The following PDXDC1 variants were observed in gnomAD, a reference collection of about 807,000 sequenced individuals.
PDXDC1 encodes pyridoxal-dependent decarboxylase domain-containing protein 1.
A neutral mutation model predicts 100.1 loss-of-function variants in PDXDC1; 42 were observed. That is an observed-to-expected ratio of 0.42 (90% CI 0.33 to 0.54). The LOEUF is 0.54. Ranked by LOEUF, PDXDC1 falls within the 20% of genes least tolerant of loss-of-function variation. PDXDC1 has a pLI of 0.10. For synonymous variants in PDXDC1, 260 were observed against 371.7 expected, an observed-to-expected ratio of 0.70 and a Z score of 3.46; for missense variants, 636 against 979.2, an observed-to-expected ratio of 0.65 and a Z score of 4.68.
chr16:15,125,579 T>G, intron 16 of PDXDC1: 2 of 1,499,008 alleles, frequency 1.3e-6, no homozygotes, highest in Non-Finnish European at 1.9e-6. Flanking sequence ...AACAAGTCAC[T>G]CTTCACCTGT....
downstream of PDXDC1, among the ~76,000 whole-genome samples, chr16:15,142,064 G>C (rs1233907871): frequency 6.6e-6 from 1 of 152,174 alleles, no homozygotes; most frequent in Non-Finnish European, 1.5e-5. Flanking sequence ...CCCCGGGGAG[G>C]GGCACAGGCA....
In PDXDC1 at chr16:15,130,266, C is replaced by T. The variant is rs765148929; in HGVS notation, c.1400-8613C>T. ...GCTGGCGCCGAAGGCGGTGAGGTGG[C>T]GGGTGAGGCAGACGGCCTGGCGGGG... On this transcript the variant is annotated intron_variant, in intron 16 of 16. Transcript: ENST00000535621. 8.7e-5 allele frequency: 134 copies of T among 1,544,602 alleles called. No individual in the cohort carries two copies. In the East Asian group the frequency reaches 2.7e-3, roughly 31 times the overall value.
chr16:15,026,650 A>G lies in PDXDC1; in HGVS notation c.1148A>G (p.Asp383Gly). Residue 383 changes from aspartate to glycine, a missense_variant, in exon 14 of 23, where the codon GAT (aspartate) becomes GGT (glycine). Asp to Gly is a moderately conservative substitution (Grantham distance 94). This residue lies in a region of PDXDC1 where 125 missense variants were observed against 479.9 expected (regional missense o/e 0.26). Transcript: ENST00000396410. ...AGACTTCCATTCTTCCAGGTGGAAG[A>G]TGAGCTCAGCTCCCCAGTGGTGGTG... ...KVNYIKILVEDELSSPVVVFR... is the reference protein window; with the variant it reads ...KVNYIKILVEGELSSPVVVFR... 1 of 1,613,574 alleles carries G rather than the reference A, an allele frequency of 6.2e-7. No individual in the cohort carries two copies. The highest frequency in any genetic ancestry group is 2.2e-5 in the East Asian group (1 of 44,858).
chr16:15,013,711 C>G (rs1359639758), intron 8 of PDXDC1, among the ~76,000 whole-genome samples: 2 of 151,940 alleles, frequency 1.3e-5, no homozygotes, highest in Admixed American at 1.3e-4. Context: ...CCCATCTCTA[C>G]TAAAAATGCA....
chr16:15,081,895 C>A (rs2045719796), intron 16 of PDXDC1, among the ~76,000 whole-genome samples: 1 of 152,158 alleles, frequency 6.6e-6, no homozygotes, highest in Non-Finnish European at 1.5e-5. Context: ...CTGCCAGCAG[C>A]ATTTGTTGAA....
At chr16:14,975,932 C>T (rs1264013461) in intron 1 of PDXDC1, among the ~76,000 whole-genome samples, 8 of 152,302 alleles carry the variant, frequency 5.3e-5, no homozygotes, top group Non-Finnish European at 1.2e-4. Flanking sequence ...ATCGCAGCTG[C>T]TCCACAACTT....
Position 15,130,181 on chromosome 16 carries a change from C to A in PDXDC1, c.1400-8698C>A. The A allele has an allele frequency of 1.9e-6, 3 of 1,543,460 alleles. No homozygotes were observed. The East Asian group carries it at 7.3e-5, about 38-fold the overall frequency. ...CCCTCCTCGACTCTGCAGAGGCTCC[C>A]AGGAGCACAGGGTCACTCACAGGAA... On this transcript the variant is annotated intron_variant, in intron 16 of 16. Coordinates refer to the PDXDC1 transcript ENST00000535621.
At chr16:15,142,792 C>T (rs926005883), downstream of PDXDC1, among the ~76,000 whole-genome samples, 5 of 151,934 alleles carry the variant, frequency 3.3e-5, no homozygotes, top group South Asian at 2.1e-4. Context: ...ACATCATCGC[C>T]GCTGTCTGAT....
rs116100530 is a variant in PDXDC1 at position 15,033,460 on chromosome 16, G to T, written c.1812+61G>T. 299 of 1,577,680 alleles carry T rather than the reference G, an allele frequency of 1.9e-4. 3 individuals carry two copies. The African/African-American group carries it at 3.7e-3, about 20-fold the overall frequency. On this transcript the variant is annotated intron_variant, in intron 19 of 22. Coordinates refer to ENST00000396410, the MANE Select transcript of PDXDC1 (RefSeq NM_015027.4). ...AGTTTTGTCCCACCAAACAGCAGGG[G>T]CCACGAGGAAAGCAGCTGCCCTTGG...
At chr16:15,078,581 ACTC>A (rs957979994) in intron 16 of PDXDC1, among the ~76,000 whole-genome samples, 4 of 152,030 alleles carry the variant, frequency 2.6e-5, no homozygotes, top group African/African-American at 9.7e-5. Flanking sequence ...TGCTGACCAA[ACTC>A]CTCCTTCCGG....
intron 16 of PDXDC1, chr16:15,085,714 G>A: frequency 3.1e-6 from 5 of 1,612,656 alleles, no homozygotes; most frequent in Non-Finnish European, 4.2e-6. Context: ...GAGGGAAAAA[G>A]AAAATATGTT....
At chr16:15,012,712 T>C (rs1471200311) in intron 8 of PDXDC1, among the ~76,000 whole-genome samples, 4 of 152,232 alleles carry the variant, frequency 2.6e-5, no homozygotes, top group Non-Finnish European at 5.9e-5. Flanking sequence ...ATTAGCCAGG[T>C]GTGGTGGTGT....
chr16:15,060,085 G>T, intron 16 of PDXDC1: 1 of 315,338 alleles, frequency 3.2e-6, no homozygotes, highest in Non-Finnish European at 6.3e-6. Flanking sequence ...GATTAACCAT[G>T]TCATTGTTTC....
intron 6 of PDXDC1, among the ~76,000 whole-genome samples, chr16:15,007,735 A>G (rs1447068681): frequency 1.8e-4 from 28 of 152,378 alleles, no homozygotes; most frequent in African/African-American, 6.5e-4. Context: ...GGGGAGTTTA[A>G]TAATAATCCT....
Position 15,038,211 on chromosome 16 carries a change from C to T in PDXDC1, c.*1936C>T, listed in dbSNP as rs1409853617. The T allele has an allele frequency of 7.4e-6, 12 of 1,611,128 alleles. No individual in the cohort carries two copies. Among genetic ancestry groups the T allele is most frequent in the Non-Finnish European group, 9.3e-6 (11 of 1,178,542 alleles). On this transcript the variant is annotated 3_prime_UTR_variant, in exon 23 of 23. Coordinates refer to ENST00000396410, the MANE Select transcript of PDXDC1 (RefSeq NM_015027.4). ...CAGCCAGAGGCGAAGTGGAAAGATT[C>T]TGAAAACACAAGATGGTGGGCATTA... is the stretch of plus-strand genomic sequence containing the variant.
intron 16 of PDXDC1, among the ~76,000 whole-genome samples, chr16:15,112,113 G>A (rs1205577074): frequency 6.8e-6 from 1 of 147,436 alleles, no homozygotes; most frequent in East Asian, 1.9e-4. Context: ...ATCACAGTAT[G>A]CTTTTAATCT....
chr16:14,979,495 G>A (rs1301826742), intron 1 of PDXDC1, among the ~76,000 whole-genome samples: 2 of 152,270 alleles, frequency 1.3e-5, no homozygotes, highest in African/African-American at 2.4e-5. Context: ...TCACCATATT[G>A]ACCAGGCTGG....
intron 16 of PDXDC1, among the ~76,000 whole-genome samples, chr16:15,092,302 C>T (rs901230721): frequency 6.6e-6 from 1 of 152,142 alleles, no homozygotes; most frequent in Non-Finnish European, 1.5e-5. Flanking sequence ...ATTACTCTCT[C>T]ATTATTACCT....
intron 16 of PDXDC1, among the ~76,000 whole-genome samples, chr16:15,049,681 C>T (rs900959612): frequency 6.6e-6 from 1 of 152,110 alleles, no homozygotes; most frequent in African/African-American, 2.4e-5. Context: ...CTGCCTTGGC[C>T]TCCCAAGGTG....
Sources: allele counts gnomAD v4.1 joint callset (sites outside exome capture counted in the v4.1 genomes callset), GRCh38; gene constraint gnomAD v4.1.1; regional missense constraint gnomAD v4.1.1; transcripts MANE v1.5; gene names NCBI Gene and HGNC (gene_info 2026-07-23, HGNC 2026-07-21).